The following ZNF609 variants were observed in gnomAD, a reference collection of about 807,000 sequenced individuals.
ZNF609 encodes the protein zinc finger protein 609.
A neutral mutation model predicts 109.5 loss-of-function variants in ZNF609; 11 were observed. The ratio of observed to expected loss-of-function variants is 0.10; its 90% CI spans 0.06 to 0.17. The LOEUF is 0.17. ZNF609 is among the 10% of genes least tolerant of loss of function. The pLI is 1.00. For missense variants in ZNF609, 1,559 were observed against 1,772.4 expected (o/e 0.88, Z 2.16); for synonymous variants, 646 against 662.0 (o/e 0.98, Z 0.37).
rs56338576 is a variant in ZNF609, at chr15:64,616,812, CTTTTTTTT to C, written c.748-5997_748-5990del. The stretch of plus-strand genomic sequence containing the variant: ...GGGATTACAGGTGTGAGCCACCATG[CTTTTTTTT>C]TTTTTTTTTTTTTTTTTGCACTCTG... On this transcript the variant is annotated intron_variant, in intron 2 of 9. Transcript: ENST00000326648. Among the ~76,000 whole-genome samples, 63 of 32,850 alleles carry C rather than the reference CTTTTTTTT, an allele frequency of 1.9e-3. 1 individual carries two copies. Among genetic ancestry groups the C allele is most frequent in the African/African-American group, 9.0e-3 (63 of 6,970 alleles). The allele number at this position is 32,850 out of a possible 152,430, so 21.6% of individuals were successfully genotyped here.
intron 3 of ZNF609, among the ~76,000 whole-genome samples, chr15:64,624,983 C>T (rs138200893): frequency 0.013 from 1,973 of 152,112 alleles, 32 homozygotes; most frequent in African/African-American, 0.046. Flanking sequence ...TGGTCTTGAA[C>T]TCCTGACCTT....
At chr15:64,615,016 AC>A (rs959340829) in intron 2 of ZNF609, among the ~76,000 whole-genome samples, 6 of 151,554 alleles carry the variant, frequency 4.0e-5, no homozygotes, top group African/African-American at 1.2e-4. Flanking sequence ...ACGGGGTTTC[AC>A]CCTGTTGGCC....
chr15:64,659,219 A>C (rs528567810), intron 3 of ZNF609, among the ~76,000 whole-genome samples: 135 of 152,282 alleles, frequency 8.9e-4, no homozygotes, highest in Admixed American at 1.9e-3. Context: ...GTTTTTTAAA[A>C]GTTTTTTATT....
intron 1 of ZNF609, among the ~76,000 whole-genome samples, chr15:64,463,399 TAA>T (rs34188401): frequency 0.049 from 6,830 of 140,550 alleles, 519 homozygotes; most frequent in African/African-American, 0.16. Context: ...ACCTTGTCTT[TAA>T]AAAAAAAAAA....
intron 3 of ZNF609, among the ~76,000 whole-genome samples, chr15:64,624,868 TTC>T (rs144237489): frequency 0.048 from 7,256 of 151,640 alleles, 236 homozygotes; most frequent in South Asian, 0.086. Context: ...CAAGCGATTC[TTC>T]TCTCTCAGCC....
At chr15:64,535,598 T>G (rs540293420) in intron 2 of ZNF609, among the ~76,000 whole-genome samples, 8 of 152,298 alleles carry the variant, frequency 5.3e-5, no homozygotes, top group Middle Eastern at 3.4e-3. Flanking sequence ...ATATACAGTT[T>G]TTTGTGTGTG....
intron 6 of ZNF609, among the ~76,000 whole-genome samples, chr15:64,678,789 G>A (rs1484161454): frequency 6.6e-6 from 1 of 152,198 alleles, no homozygotes; most frequent in Non-Finnish European, 1.5e-5. Flanking sequence ...CCCCTCAGCT[G>A]GAATTTGTAA....
chr15:64,655,910 GA>G (rs1388653251), intron 3 of ZNF609, among the ~76,000 whole-genome samples: 1 of 152,154 alleles, frequency 6.6e-6, no homozygotes, highest in Non-Finnish European at 1.5e-5. Context: ...CAGGGGCATG[GA>G]AATTGTGTAA....
intron 2 of ZNF609, among the ~76,000 whole-genome samples, chr15:64,541,295 C>G (rs1894255502): frequency 6.7e-6 from 1 of 148,438 alleles, no homozygotes; most frequent in African/African-American, 2.5e-5. Context: ...GGCGTGGTGT[C>G]GGGCGCCTGT....
intron 2 of ZNF609, among the ~76,000 whole-genome samples, chr15:64,576,833 A>G (rs1567018872): frequency 6.8e-6 from 1 of 147,090 alleles, no homozygotes; most frequent in Non-Finnish European, 1.5e-5. Context: ...AAAAAAAAAA[A>G]AAAAAAAAAA....
intron 3 of ZNF609, among the ~76,000 whole-genome samples, chr15:64,649,440 T>A (rs2140996304): frequency 6.6e-6 from 1 of 152,114 alleles, no homozygotes; most frequent in East Asian, 1.9e-4. Flanking sequence ...TGCTGGAAAT[T>A]TGGGGAATCA....
chr15:64,638,265 C>A (rs1467216924), intron 3 of ZNF609, among the ~76,000 whole-genome samples: 1 of 151,206 alleles, frequency 6.6e-6, no homozygotes, highest in Non-Finnish European at 1.5e-5. Flanking sequence ...TATACATTTA[C>A]GTATTCTTGT....
chr15:64,502,296 A>C (rs1893572999), intron 2 of ZNF609: 2 of 152,172 alleles, frequency 1.3e-5, no homozygotes, highest in African/African-American at 4.8e-5. Flanking sequence ...TGGCTATTGA[A>C]ATAAATAATT....
At chr15:64,529,716 G>T in intron 2 of ZNF609, 1 of 662,172 alleles carries the variant, frequency 1.5e-6, no homozygotes, top group Admixed American at 1.8e-5. Context: ...ATATGTGGCT[G>T]TCTGTCGAAC....
At chr15:64,679,272 G>T (rs541574575) in intron 6 of ZNF609, among the ~76,000 whole-genome samples, 3 of 152,132 alleles carry the variant, frequency 2.0e-5, no homozygotes, top group African/African-American at 7.2e-5. Context: ...GTGTTCTTCC[G>T]TGTTGGTCAG....
rs566361910 is a variant in ZNF609 at position 64,667,571 on chromosome 15, G to T, written c.974-2775G>T. 4.6e-5 allele frequency among the ~76,000 whole-genome samples: 7 copies of T among 152,100 alleles called. No individual in the cohort carries two copies. The East Asian group carries it at 1.4e-3, about 29-fold the overall frequency. On this transcript the variant is annotated intron_variant, in intron 3 of 9. Transcript: ENST00000326648. ...TTAAAAAAAATACAAAATTAGCCCGGGCATGGTGGCACCTGCCGTAATCCC... is the reference window on the plus strand; with the variant it reads ...TTAAAAAAAATACAAAATTAGCCCGTGCATGGTGGCACCTGCCGTAATCCC...
chr15:64,489,174 T>C (rs28572590), intron 1 of ZNF609, among the ~76,000 whole-genome samples: 5 of 141,246 alleles, frequency 3.5e-5, no homozygotes, highest in Non-Finnish European at 6.1e-5. Context: ...TAGTTTTGTG[T>C]TTTTTTTTTT....
Position 64,528,927 on chromosome 15 carries a change from C to G in ZNF609, c.747+28761C>G, listed in dbSNP as rs140872266. 1.3e-3 allele frequency: 1,641 copies of G among 1,239,710 alleles called. 1 individual carries two copies. The highest frequency in any genetic ancestry group is 3.8e-3 in the Middle Eastern group (14 of 3,662). 76.8% of individuals were successfully genotyped at this position (1,239,710 alleles called of 1,614,324 possible). A position where few individuals can be genotyped will look rare whatever the true frequency, so the allele number is the denominator to read the frequency against. On this transcript the variant is annotated intron_variant, in intron 2 of 9. Coordinates refer to ENST00000326648, the MANE Select transcript of ZNF609 (RefSeq NM_015042.2). ...ATGTCATCATATTGGCAGGTTTTTC[C>G]AGACGACAGGTCAGGTCCGCCACTG... is the stretch of plus-strand genomic sequence containing the variant.
chr15:64,524,155 A>C (rs1166026350), intron 2 of ZNF609, among the ~76,000 whole-genome samples: 1 of 151,796 alleles, frequency 6.6e-6, no homozygotes, highest in Admixed American at 6.6e-5. Context: ...GAATATTTTC[A>C]TCTCCTCAAA....
Sources: gnomAD v4.1 joint callset for allele counts (sites outside exome capture counted in the v4.1 genomes callset) on GRCh38, gnomAD v4.1.1 for gene constraint, MANE v1.5 for transcripts, NCBI Gene and HGNC (gene_info 2026-07-23, HGNC 2026-07-21) for gene names.